The following ME1 variants were observed in gnomAD, a reference collection of about 807,000 sequenced individuals.
ME1 encodes the protein malic enzyme 1, also known as NADP-dependent malic enzyme.
Under a neutral mutation model 66.4 loss-of-function variants are expected in ME1, and 74 were observed. The observed-to-expected ratio is 1.11, with a 90% CI of 0.92 to 1.35. ME1 has a LOEUF of 1.35. Among genes scored for constraint, ME1 ranks in the 40% most tolerant of loss-of-function variants. ME1 has a pLI of 0.00. For synonymous variants in ME1, 251 were observed against 235.6 expected, an observed-to-expected ratio of 1.07 and a Z score of -0.60; for missense variants, 750 against 694.1, an observed-to-expected ratio of 1.08 and a Z score of -0.90.
In ME1 at chr6:83,239,573, G is replaced by C. The variant is rs1790474978; in HGVS notation, c.878C>G (p.Ser293Cys). 6.2e-7 allele frequency: 1 copy of C among 1,613,370 alleles called. No individual in the cohort carries two copies. The highest frequency in any genetic ancestry group is 2.2e-5 in the East Asian group (1 of 44,852). ...AALRITKNKLSDQTILFQGAG... is the reference protein window; with the variant it reads ...AALRITKNKLCDQTILFQGAG... ...TCCTTGGAATAGTATTGTTTGATCA[G>C]ACAGTTTGTTCTTGGTTATTCGAAG... Residue 293 changes from serine to cysteine, a missense_variant, in exon 8 of 14, where the codon TCT (serine) becomes TGT (cysteine). Ser to Cys is a moderately radical substitution (Grantham distance 112, BLOSUM62 -1). Transcript: ENST00000369705.
chr6:83,306,962 G>T (rs1206660394), intron 6 of ME1, among the ~76,000 whole-genome samples: 1 of 152,010 alleles, frequency 6.6e-6, no homozygotes, highest in Non-Finnish European at 1.5e-5. Flanking sequence ...GAATAAAATG[G>T]AATTAGGCAC....
At chr6:83,339,993 A>C (rs974761537) in intron 5 of ME1, among the ~76,000 whole-genome samples, 2 of 151,112 alleles carry the variant, frequency 1.3e-5, no homozygotes, top group African/African-American at 2.4e-5. Context: ...AAAAGAAAAG[A>C]AATGTGAAAT....
intron 3 of ME1, among the ~76,000 whole-genome samples, chr6:83,397,577 A>C (rs1437292673): frequency 6.6e-6 from 1 of 152,204 alleles, no homozygotes; most frequent in Non-Finnish European, 1.5e-5. Context: ...GCTTCTCAAA[A>C]AATTAAGAAT....
chr6:83,256,816 A>T (rs1171320704), intron 6 of ME1, among the ~76,000 whole-genome samples: 1 of 152,218 alleles, frequency 6.6e-6, no homozygotes, highest in Non-Finnish European at 1.5e-5. Context: ...GATAGACTGG[A>T]TAAAGAAAAT....
intron 3 of ME1, among the ~76,000 whole-genome samples, chr6:83,352,792 A>G (rs1768826533): frequency 6.6e-6 from 1 of 152,216 alleles, no homozygotes; most frequent in Non-Finnish European, 1.5e-5. Context: ...AAATATGTAA[A>G]TGCCTTATCC....
intron 6 of ME1, among the ~76,000 whole-genome samples, chr6:83,305,083 T>C (rs981361970): frequency 1.3e-5 from 2 of 152,190 alleles, no homozygotes; most frequent in Non-Finnish European, 2.9e-5. Context: ...AAGACATGTT[T>C]AAATGAAATA....
At chr6:83,282,291 C>A (rs1223116404) in intron 6 of ME1, among the ~76,000 whole-genome samples, 1 of 152,138 alleles carries the variant, frequency 6.6e-6, no homozygotes, top group East Asian at 1.9e-4. Context: ...AGGGCTTCTG[C>A]ACAGCAAAAG....
At chr6:83,404,730 G>C (rs1769905869) in intron 2 of ME1, among the ~76,000 whole-genome samples, 1 of 152,172 alleles carries the variant, frequency 6.6e-6, no homozygotes, top group African/African-American at 2.4e-5. Context: ...CATATGACTA[G>C]CCAGTTTTCC....
At chr6:83,422,981 GAC>G (rs948444504) in intron 1 of ME1, among the ~76,000 whole-genome samples, 1 of 151,902 alleles carries the variant, frequency 6.6e-6, no homozygotes, top group African/African-American at 2.4e-5. Context: ...TTTGATAAAA[GAC>G]ATATACTTAC....
intron 3 of ME1, chr6:83,393,236 G>T: frequency 8.8e-7 from 1 of 1,136,110 alleles, no homozygotes; most frequent in Admixed American, 1.7e-5. Flanking sequence ...GCTACTCTGA[G>T]CACCAGGTGG....
At chr6:83,333,980 G>A (rs911147496) in intron 5 of ME1, among the ~76,000 whole-genome samples, 2 of 151,894 alleles carry the variant, frequency 1.3e-5, no homozygotes, top group South Asian at 2.1e-4. Flanking sequence ...GGCCGAATAG[G>A]AACAGCTCTG....
intron 1 of ME1, among the ~76,000 whole-genome samples, chr6:83,410,777 G>A (rs1374197982): frequency 2.0e-5 from 3 of 152,038 alleles, no homozygotes; most frequent in East Asian, 1.9e-4. Flanking sequence ...CTTAATAATG[G>A]CACTTAACAA....
intron 3 of ME1, among the ~76,000 whole-genome samples, chr6:83,367,794 T>C (rs780570216): frequency 6.6e-6 from 1 of 152,188 alleles, no homozygotes; most frequent in Non-Finnish European, 1.5e-5. Context: ...ATATCAGCAA[T>C]ATGGCCGCTT....
At chr6:83,297,898 CT>C (rs904801930) in intron 6 of ME1, among the ~76,000 whole-genome samples, 3 of 152,080 alleles carry the variant, frequency 2.0e-5, no homozygotes, top group Non-Finnish European at 2.9e-5. Flanking sequence ...GATCTCATTC[CT>C]TTTTATGGCT....
chr6:83,261,804 A>T (rs1562462725), intron 6 of ME1, among the ~76,000 whole-genome samples: 1 of 152,100 alleles, frequency 6.6e-6, no homozygotes, highest in Non-Finnish European at 1.5e-5. Context: ...ACCTGAGGTC[A>T]GGAGTTCGAG....
At chr6:83,260,914 C>CA (rs35512421) in intron 6 of ME1, among the ~76,000 whole-genome samples, 47 of 151,716 alleles carry the variant, frequency 3.1e-4, no homozygotes, top group African/African-American at 9.4e-4. Context: ...CTCCAATAAA[C>CA]AAAAAAAATG....
chr6:83,403,008 T>C (rs1769865656), intron 2 of ME1, among the ~76,000 whole-genome samples: 1 of 152,226 alleles, frequency 6.6e-6, no homozygotes, highest in Non-Finnish European at 1.5e-5. Flanking sequence ...CCTTCTCTTA[T>C]CACCTTATCT....
intron 2 of ME1, among the ~76,000 whole-genome samples, chr6:83,404,809 A>T (rs145303688): frequency 6.6e-6 from 1 of 152,130 alleles, no homozygotes; most frequent in East Asian, 1.9e-4. Context: ...CAAAGATCAG[A>T]TGGTTGTAGA....
chr6:83,316,607 T>C (rs896442670), intron 5 of ME1, among the ~76,000 whole-genome samples: 8 of 151,518 alleles, frequency 5.3e-5, no homozygotes, highest in African/African-American at 1.9e-4. Context: ...GAAATATAGA[T>C]TGAAAAAAAA....
Sources: gnomAD v4.1 joint callset for allele counts (sites outside exome capture counted in the v4.1 genomes callset) on GRCh38, gnomAD v4.1.1 for gene constraint, MANE v1.5 for transcripts, NCBI Gene and HGNC (gene_info 2026-07-23, HGNC 2026-07-21) for gene names.